Variants in BCAP29 observed in about 807,000 individuals in gnomAD.
BCAP29 encodes B cell receptor associated protein 29.
A neutral mutation model predicts 31.8 loss-of-function variants in BCAP29; 34 were observed. That is an observed-to-expected ratio of 1.07 (90% CI 0.81 to 1.42). The LOEUF (loss-of-function observed/expected upper bound fraction) is 1.42. Among genes scored for constraint, BCAP29 ranks in the 40% most tolerant of loss-of-function variants. The pLI is 0.00. For missense variants in BCAP29, 314 were observed against 269.2 expected (o/e 1.17, Z -1.16); for synonymous variants, 104 against 91.3 (o/e 1.14, Z -0.79).
chr7:107,610,325 TGCAGTA>T (rs1171522504), intron 6 of BCAP29, among the ~76,000 whole-genome samples: 1 of 152,226 alleles, frequency 6.6e-6, no homozygotes, highest in Non-Finnish European at 1.5e-5. Context: ...TTAAGAAAAT[TGCAGTA>T]GCAACTTAGA....
intron 5 of BCAP29, among the ~76,000 whole-genome samples, chr7:107,597,366 G>A (rs1404958839): frequency 6.6e-6 from 1 of 151,838 alleles, no homozygotes; most frequent in Non-Finnish European, 1.5e-5. Flanking sequence ...AAGAGTTACC[G>A]CGCCCAGCCA....
chr7:107,617,290 GAAAC>G (rs1320105118), intron 7 of BCAP29, among the ~76,000 whole-genome samples: 2 of 152,052 alleles, frequency 1.3e-5, no homozygotes, highest in Non-Finnish European at 2.9e-5. Context: ...AAATATTAAG[GAAAC>G]AAAGGTTAAA....
intron 2 of BCAP29, 66 bp from the exon 3 acceptor site, chr7:107,583,816 T>A: frequency 1.4e-6 from 1 of 727,126 alleles, no homozygotes; most frequent in Non-Finnish European, 2.2e-6. Context: ...TACTTCAGTA[T>A]TTAAAAAGTA....
chr7:107,615,356 A>C, intron 7 of BCAP29: 2 of 456,398 alleles, frequency 4.4e-6, no homozygotes, highest in Non-Finnish European at 8.8e-6. Context: ...TAATCCCAGC[A>C]CTTTGGAAGG....
intron 3 of BCAP29, among the ~76,000 whole-genome samples, chr7:107,589,265 A>G (rs1378766881): frequency 6.6e-6 from 1 of 152,190 alleles, no homozygotes; most frequent in African/African-American, 2.4e-5. Flanking sequence ...CATTAAATTT[A>G]TATGCACTTC....
intron 3 of BCAP29, among the ~76,000 whole-genome samples, chr7:107,589,254 A>C (rs1350138543): frequency 1.3e-5 from 2 of 152,174 alleles, no homozygotes; most frequent in Non-Finnish European, 2.9e-5. Flanking sequence ...TGATTCAAGC[A>C]CATTAAATTT....
At chr7:107,580,482 T>C (rs560829485) in intron 1 of BCAP29, 181 bp downstream of exon 1, 36 of 323,678 alleles carry the variant, frequency 1.1e-4, no homozygotes, top group African/African-American at 7.1e-4. Flanking sequence ...AGCCGGGCGT[T>C]GGTGGAGGGA....
intron 6 of BCAP29, among the ~76,000 whole-genome samples, chr7:107,604,604 A>C (rs948802722): frequency 6.6e-6 from 1 of 151,890 alleles, no homozygotes; most frequent in Non-Finnish European, 1.5e-5. Context: ...AGTTATATCA[A>C]AGCCCCCAGC....
At chr7:107,615,299 CT>C (rs1813907865) in intron 7 of BCAP29, 1 of 456,544 alleles carries the variant, frequency 2.2e-6, no homozygotes, top group South Asian at 1.5e-5. Context: ...AAGTAGAAAG[CT>C]TTTAAGAGTG....
rs769670477 is a variant in BCAP29 at position 107,613,389 on chromosome 7, C to T, written c.647C>T (p.Ser216Leu). Residue 216 changes from serine to leucine, a missense_variant, in exon 7 of 8, where the codon TCG becomes TTG. Ser to Leu is a moderately radical substitution (Grantham distance 145). Transcript: ENST00000005259. ...ATGAAGATGCAGTCAGAGAGACTTTCGAAAGAATATGATCAACTCCTGAAA... is the reference window on the plus strand; with the variant it reads ...ATGAAGATGCAGTCAGAGAGACTTTTGAAAGAATATGATCAACTCCTGAAA... Reference protein sequence around the residue: ...MEMKMQSERLSKEYDQLLKEH... With the variant: ...MEMKMQSERLLKEYDQLLKEH... 6 of 1,613,078 alleles carry T rather than the reference C, an allele frequency of 3.7e-6. No individual in the cohort carries two copies. Among genetic ancestry groups the T allele is most frequent in the South Asian group, 1.1e-5 (1 of 90,986 alleles).
intron 3 of BCAP29, among the ~76,000 whole-genome samples, chr7:107,584,909 A>C (rs867738520): frequency 1.6e-4 from 24 of 152,162 alleles, no homozygotes; most frequent in African/African-American, 5.6e-4. Context: ...GACCATGCCC[A>C]TTTGTTTACA....
In BCAP29 at chr7:107,618,447, A is replaced by G; in HGVS notation, c.*84A>G. On this transcript the variant is annotated 3_prime_UTR_variant, in exon 8 of 8. Coordinates refer to ENST00000005259, the MANE Select transcript of BCAP29 (RefSeq NM_018844.4). ...CTCTAGAAAATTTAAGTTCAGAAAAATGCACTATGACCGGTTCGTAATTTT... is the reference window on the plus strand; with the variant it reads ...CTCTAGAAAATTTAAGTTCAGAAAAGTGCACTATGACCGGTTCGTAATTTT... 6.2e-7 allele frequency: 1 copy of G among 1,613,146 alleles called. No individual in the cohort carries two copies. The highest frequency in any genetic ancestry group is 8.5e-7 in the Non-Finnish European group (1 of 1,179,396).
At chr7:107,622,338 A>C, downstream of BCAP29, 1 of 155,678 alleles carries the variant, frequency 6.4e-6, no homozygotes, top group Non-Finnish European at 1.4e-5. Flanking sequence ...CAAACCACCA[A>C]GACCTCACCA....
chr7:107,589,159 A>G (rs949729638), intron 3 of BCAP29, among the ~76,000 whole-genome samples: 1 of 152,242 alleles, frequency 6.6e-6, no homozygotes. Flanking sequence ...ACTGTACATC[A>G]GCAGTCCCCA....
chr7:107,602,723 G>T (rs898728287), intron 6 of BCAP29, among the ~76,000 whole-genome samples: 1 of 151,960 alleles, frequency 6.6e-6, no homozygotes, highest in Non-Finnish European at 1.5e-5. Context: ...TTAAAAAGTG[G>T]CATTCTGAAG....
In BCAP29 at chr7:107,586,167, T is replaced by C. The variant is rs572361888; in HGVS notation, c.193+2185T>C. Among the ~76,000 whole-genome samples the C allele has an allele frequency of 5.9e-5, 9 of 152,298 alleles. No individual in the cohort carries two copies. The East Asian group carries it at 1.7e-3, about 29-fold the overall frequency. On this transcript the variant is annotated intron_variant, in intron 3 of 7. Coordinates refer to ENST00000005259, the MANE Select transcript of BCAP29 (RefSeq NM_018844.4). ...CATATACATTTTTCCTATATATACT[T>C]CATTCTTTTTTATTATGGACTCTGA...
intron 3 of BCAP29, among the ~76,000 whole-genome samples, chr7:107,589,581 A>G (rs2189839): frequency 0.72 from 109,518 of 152,164 alleles, 39,468 homozygotes; most frequent in South Asian, 0.84. Context: ...AGCTTTGCTC[A>G]CTGGCCTGCC....
chr7:107,622,090 C>T (rs1815025494), downstream of BCAP29: 3 of 421,468 alleles, frequency 7.1e-6, no homozygotes, highest in South Asian at 3.9e-5. Flanking sequence ...TTGCCATTGT[C>T]GTTGCCATTG....
intron 4 of BCAP29, among the ~76,000 whole-genome samples, chr7:107,595,497 C>T (rs1809648976): frequency 6.6e-6 from 1 of 152,146 alleles, no homozygotes; most frequent in Admixed American, 6.5e-5. Flanking sequence ...CTTGTTTGAC[C>T]TTACACAATG....
Sources: allele counts gnomAD v4.1 joint callset (sites outside exome capture counted in the v4.1 genomes callset), GRCh38; gene constraint gnomAD v4.1.1; transcripts MANE v1.5; gene names NCBI Gene and HGNC (gene_info 2026-07-23, HGNC 2026-07-21).